Variants in NUMA1 observed in about 807,000 individuals in gnomAD.
NUMA1 encodes the protein SP-H antigen.
Under a neutral mutation model 237.1 loss-of-function variants are expected in NUMA1, and 62 were observed. The observed-to-expected ratio is 0.26, with a 90% confidence interval of 0.21 to 0.32. NUMA1 has a LOEUF of 0.32. NUMA1 is among the 10% of genes least tolerant of loss of function. The pLI is 1.00. For missense variants in NUMA1, 2,533 were observed against 2,666.5 expected (o/e 0.95, Z 1.10); for synonymous variants, 1,028 against 1,066.1 (o/e 0.96, Z 0.70).
Position 72,041,491 on chromosome 11 carries a change from A to G in NUMA1, c.-32-5516T>C, listed in dbSNP as rs559304700. The stretch of plus-strand genomic sequence containing the variant: ...CCCCTTCGCTCTGTTTTCCACCCAG[A>G]GTTTAAGGCAGCAGTAATAATCTGT... On this transcript the variant is annotated intron_variant, in intron 2 of 26. Transcript: ENST00000393695. 2.6e-5 allele frequency: 4 copies of G among 152,380 alleles called. No individual in the cohort carries two copies. In the South Asian group the frequency reaches 8.3e-4, roughly 32 times the overall value. The allele number at this position is 152,380 out of a possible 1,614,324, so 9.4% of individuals were successfully genotyped here. A position where few individuals can be genotyped will look rare whatever the true frequency, so the allele number is the denominator to read the frequency against.
chr11:72,040,952 G>C (rs1224270091), intron 2 of NUMA1: 1 of 152,072 alleles, frequency 6.6e-6, no homozygotes, highest in Non-Finnish European at 1.5e-5. Context: ...GTGCGGGGGG[G>C]CCTTACCAGA....
intron 2 of NUMA1, among the ~76,000 whole-genome samples, chr11:72,063,608 C>CAAA (rs71052848): frequency 8.0e-4 from 49 of 61,084 alleles, no homozygotes; most frequent in Non-Finnish European, 8.6e-4. Context: ...TACCAAAACT[C>CAAA]AAAAAAAAAA....
At position 72,019,616 on chromosome 11, in the gene NUMA1, A is replaced by G; in HGVS notation, c.462T>C (p.Ala154=). ...NEDLENFLQK[A]PVPSTCSSTF... is the part of the protein sequence containing the mutation. ...TGCTAGAACAGGTAGAAGGCACAGG[A>G]GCTGGGGGTAAGAAATAGACAAAAT... is the stretch of plus-strand genomic sequence containing the variant. Residue 154 remains alanine (A), a splice_region_variant and synonymous_variant, in exon 9 of 27, where the codon GCT becomes GCC. Coordinates refer to ENST00000393695, the MANE Select transcript of NUMA1 (RefSeq NM_006185.4). 1 of 1,612,910 alleles carries G rather than the reference A, an allele frequency of 6.2e-7. No homozygotes were observed.
chr11:72,059,256 C>CA (rs1342724989), intron 2 of NUMA1, among the ~76,000 whole-genome samples: 2 of 152,000 alleles, frequency 1.3e-5, no homozygotes, highest in Non-Finnish European at 2.9e-5. Flanking sequence ...TCCATACCAG[C>CA]AAAAAACAGA....
intron 4 of NUMA1, 182 bp from the exon 5 acceptor site, chr11:72,024,535 G>A: frequency 1.7e-6 from 1 of 596,744 alleles, no homozygotes. Flanking sequence ...ATGGAACTGT[G>A]TGGTGGGTGG....
intron 21 of NUMA1, among the ~76,000 whole-genome samples, 188 bp from the exon 22 acceptor site, chr11:72,006,451 ATGT>A (rs940615394): frequency 1.1e-4 from 16 of 152,274 alleles, no homozygotes; most frequent in African/African-American, 3.9e-4. Flanking sequence ...GGTGGTGCTG[ATGT>A]TGTCAAGACT....
At chr11:72,005,949 T>C (rs1457613488) in intron 22 of NUMA1, 86 bp downstream of exon 22, 5 of 1,194,142 alleles carry the variant, frequency 4.2e-6, no homozygotes, top group Non-Finnish European at 6.0e-6. Context: ...GCCTTGGATT[T>C]TTAAAAAGCT....
At chr11:72,029,367 G>T in intron 3 of NUMA1, 77 bp from the exon 4 acceptor site, 2 of 850,542 alleles carry the variant, frequency 2.4e-6, no homozygotes, top group South Asian at 1.6e-5. Flanking sequence ...GGCTTAATGT[G>T]AGTGCTTACA....
Position 72,004,902 on chromosome 11 carries a change from C to A in NUMA1, c.5830-86G>T, listed in dbSNP as rs956387739. 24 of 1,315,830 alleles carry A rather than the reference C, an allele frequency of 1.8e-5. No individual in the cohort carries two copies. The Admixed American group carries it at 6.2e-4, about 34-fold the overall frequency. The allele number at this position is 1,315,830 out of a possible 1,614,324, so 81.5% of individuals were successfully genotyped here. A position where few individuals can be genotyped will look rare whatever the true frequency, so the allele number is the denominator to read the frequency against. The stretch of plus-strand genomic sequence containing the variant: ...GGGCTGTCCCAGAACTCTACACTCG[C>A]CCGACACTTATGGTCGGGACCCTTC... On this transcript the variant is annotated intron_variant, in intron 23 of 26. Transcript: ENST00000393695.
At chr11:72,025,970 C>T (rs7930142) in intron 4 of NUMA1, among the ~76,000 whole-genome samples, 135,105 of 152,232 alleles carry the variant, frequency 0.89, 60,229 homozygotes, top group Non-Finnish European at 0.95. Context: ...ATTCCATTAA[C>T]TAAAATAAAA....
intron 3 of NUMA1, among the ~76,000 whole-genome samples, chr11:72,030,719 A>C (rs1940195122): frequency 6.6e-6 from 1 of 152,240 alleles, no homozygotes; most frequent in Non-Finnish European, 1.5e-5. Context: ...AGCCTGCTTT[A>C]AGAAACAAGG....
intron 2 of NUMA1, among the ~76,000 whole-genome samples, chr11:72,043,566 A>C (rs1453645718): frequency 2.2e-5 from 3 of 135,354 alleles, no homozygotes; most frequent in Admixed American, 8.1e-5. Flanking sequence ...ACAGGCTCTC[A>C]CTATGTTGCC....
Position 72,015,918 on chromosome 11 carries a change from T to C in NUMA1, c.1585A>G (p.Lys529Glu), listed in dbSNP as rs775172719. Residue 529 changes from lysine to glutamate, a missense_variant, in exon 15 of 27, where the codon AAA (lysine) becomes GAA (glutamate). By Grantham distance (56) the Lys-to-Glu change is moderately conservative. Around this residue, in one of 3 missense-constraint regions of NUMA1, gnomAD observed 1,414 missense variants for 1,508.1 expected, o/e 0.94. Coordinates refer to ENST00000393695, the MANE Select transcript of NUMA1 (RefSeq NM_006185.4). The surrounding 1 kb of genome is among the most constrained non-coding windows in gnomAD (Gnocchi z 4.0). ...TGTGCTAGCTGGGCCTGCTTCTCTTTGGCCTGCTGCTTCAGGCCAGCCAGT... is the reference window on the plus strand; with the variant it reads ...TGTGCTAGCTGGGCCTGCTTCTCTTCGGCCTGCTGCTTCAGGCCAGCCAGT... ...QELAGLKQQA[K>E]EKQAQLAQTL... 1.2e-6 allele frequency: 2 copies of C among 1,614,010 alleles called. No homozygotes were observed. Among genetic ancestry groups the C allele is most frequent in the African/African-American group, 2.7e-5 (2 of 74,920 alleles).
At chr11:72,028,689 C>T (rs1565242076) in intron 4 of NUMA1, among the ~76,000 whole-genome samples, 1 of 152,114 alleles carries the variant, frequency 6.6e-6, no homozygotes, top group Admixed American at 6.5e-5. Flanking sequence ...CAGTAAAAAC[C>T]CCAGAAGTGT....
At chr11:72,025,790 T>G (rs2135436988) in intron 4 of NUMA1, among the ~76,000 whole-genome samples, 1 of 152,264 alleles carries the variant, frequency 6.6e-6, no homozygotes, top group African/African-American at 2.4e-5. Context: ...AGTGAATCCC[T>G]CCCAGAAGCA....
chr11:72,003,841 C>T (rs2134318609), intron 26 of NUMA1, 46 bp downstream of exon 26: 1 of 1,591,856 alleles, frequency 6.3e-7, no homozygotes, highest in East Asian at 2.2e-5. Context: ...GGGGGGTGCC[C>T]ATGCTCTCAT....
chr11:72,042,846 C>G (rs9666346), intron 2 of NUMA1, among the ~76,000 whole-genome samples: 141,106 of 152,264 alleles, frequency 0.93, 65,632 homozygotes, highest in Non-Finnish European at 0.98. Flanking sequence ...TGGAAAGGGG[C>G]CTTGGCACGA....
rs2134974322 is a variant in NUMA1 at position 72,014,176 on chromosome 11, A to C, written c.3327T>G (p.Ser1109=). Reference sequence around the variant, plus strand: ...TTGGCTCTGTCCTGCCAGCAGCCTCAGATTGGGCTCCTGAGCCAGATGCGT... The same window carrying C: ...TTGGCTCTGTCCTGCCAGCAGCCTCCGATTGGGCTCCTGAGCCAGATGCGT... ...KEHASGSGAQ[S]EAAGRTEPTG... is the part of the protein sequence containing the mutation. Residue 1109 remains serine (S), a synonymous_variant, in exon 15 of 27, where the codon TCT becomes TCG. Coordinates refer to ENST00000393695, the MANE Select transcript of NUMA1 (RefSeq NM_006185.4). This position sits in a 1 kb window ranked among gnomAD's most constrained non-coding sequence, Gnocchi z 4.6. 6.2e-7 allele frequency: 1 copy of C among 1,613,802 alleles called. No individual in the cohort carries two copies. Among genetic ancestry groups the C allele is most frequent in the East Asian group, 2.2e-5 (1 of 44,878 alleles).
In NUMA1 at chr11:72,005,364, T is replaced by G; in HGVS notation, c.5698A>C (p.Asn1900His). 1 of 1,605,126 alleles carries G rather than the reference T, an allele frequency of 6.2e-7. No homozygotes were observed. Among genetic ancestry groups the G allele is most frequent in the South Asian group, 1.1e-5 (1 of 89,786 alleles). ...TGGCAAGTGCCCATGTAGAAGCTGT[T>G]CCTTCCTGTGGAAGGCAGGGAAGTG... ...GVSSGAPPGR[N>H]SFYMGTCQDE... Residue 1900 changes from asparagine to histidine, a missense_variant, in exon 23 of 27, where the codon AAC becomes CAC. Asn to His is a moderately conservative substitution (Grantham distance 68, BLOSUM62 1). This residue lies in a region of NUMA1 where 795 missense variants were observed against 750.8 expected (regional missense o/e 1.06). Transcript: ENST00000393695.
Sources: gnomAD v4.1 joint callset for allele counts (sites outside exome capture counted in the v4.1 genomes callset) on GRCh38, gnomAD v4.1.1 for gene constraint, gnomAD v4.1.1 regional missense constraint, Gnocchi (gnomAD v3.1) non-coding constraint, MANE v1.5 for transcripts, NCBI Gene and HGNC (gene_info 2026-07-23, HGNC 2026-07-21) for gene names.